Variants in SHROOM2 observed in about 807,000 individuals in gnomAD.
SHROOM2 encodes protein Shroom2.
SHROOM2 carries 33 observed loss-of-function variants against 75.9 expected under a neutral mutation model. The observed-to-expected ratio is 0.43, with a 90% CI of 0.33 to 0.58. The LOEUF (loss-of-function observed/expected upper bound fraction) is 0.58, where lower values mean the gene tolerates loss of function less well. Among genes scored for constraint, SHROOM2 ranks in the 20% least tolerant of loss-of-function variants. The pLI, the probability that SHROOM2 is intolerant of heterozygous loss-of-function variation, is 0.04. For synonymous variants in SHROOM2, 655 were observed against 663.6 expected (o/e 0.99, Z 0.20); for missense variants, 1,434 against 1,461.2 (o/e 0.98, Z 0.30).
chrX:9,814,921 C>T (rs1219082742), intron 1 of SHROOM2, among the ~76,000 whole-genome samples: 1 of 111,505 alleles, frequency 9.0e-6, no homozygotes, highest in Non-Finnish European at 1.9e-5. Flanking sequence ...GAGCATGTGT[C>T]TGTTTTTCCA....
intron 5 of SHROOM2, among the ~76,000 whole-genome samples, chrX:9,900,746 C>T (rs2084361266): frequency 9.0e-6 from 1 of 110,894 alleles, no homozygotes; most frequent in African/African-American, 3.3e-5. Context: ...ATGGGAGAAA[C>T]AGGTGGCGTT....
At chrX:9,931,223 A>G (rs1253636764) in intron 5 of SHROOM2, among the ~76,000 whole-genome samples, 2 of 110,264 alleles carry the variant, frequency 1.8e-5, no homozygotes, top group Non-Finnish European at 3.8e-5. Context: ...AGCTGAGAGC[A>G]GAGGAGGCTG....
intron 1 of SHROOM2, among the ~76,000 whole-genome samples, chrX:9,791,887 C>A (rs374336522): frequency 9.2e-6 from 1 of 108,128 alleles, no homozygotes; most frequent in Non-Finnish European, 1.9e-5. Context: ...TCCAGCTACT[C>A]GGGAGGCTCC....
intron 5 of SHROOM2, among the ~76,000 whole-genome samples, chrX:9,899,307 G>A (rs1210755442): frequency 9.0e-6 from 1 of 110,592 alleles, no homozygotes; most frequent in Admixed American, 9.7e-5. Context: ...ACACGAGGAG[G>A]GCAGGCAGAG....
chrX:9,926,705 A>G (rs1319819625), intron 5 of SHROOM2, among the ~76,000 whole-genome samples: 3 of 111,751 alleles, frequency 2.7e-5, no homozygotes, highest in Non-Finnish European at 5.6e-5. Context: ...CTTTTGCTTT[A>G]TGATGGTTCG....
At chrX:9,808,403 C>G (rs2083769102) in intron 1 of SHROOM2, among the ~76,000 whole-genome samples, 1 of 107,318 alleles carries the variant, frequency 9.3e-6, no homozygotes. Flanking sequence ...AAAAATTAGC[C>G]AGGTGTGGTG....
chrX:9,838,185 C>T (rs191732519), intron 1 of SHROOM2, among the ~76,000 whole-genome samples: 23 of 107,983 alleles, frequency 2.1e-4, no homozygotes, highest in East Asian at 1.7e-3. Context: ...CTCAGCCTCC[C>T]GAGTTGCTGG....
chrX:9,930,044 TC>T (rs1314947186), intron 5 of SHROOM2, among the ~76,000 whole-genome samples: 1 of 111,739 alleles, frequency 8.9e-6, no homozygotes. Flanking sequence ...GTCACTTTGT[TC>T]CCAGTTTCAG....
chrX:9,942,658 C>T (rs954958095), intron 8 of SHROOM2, among the ~76,000 whole-genome samples: 2 of 111,743 alleles, frequency 1.8e-5, no homozygotes, highest in Non-Finnish European at 3.8e-5. Context: ...GGAAGAGCTT[C>T]CATGCCCTCC....
chrX:9,795,194 G>C (rs936438699), intron 1 of SHROOM2, among the ~76,000 whole-genome samples: 2 of 109,080 alleles, frequency 1.8e-5, no homozygotes. Context: ...CACGGTTATA[G>C]CCACACTACA....
chrX:9,837,885 C>T (rs927657138), intron 1 of SHROOM2, among the ~76,000 whole-genome samples: 1 of 110,680 alleles, frequency 9.0e-6, no homozygotes, highest in African/African-American at 3.3e-5. Flanking sequence ...GCACTGCAGC[C>T]TCAGATGGTG....
At chrX:9,908,338 G>A (rs756033560) in intron 5 of SHROOM2, among the ~76,000 whole-genome samples, 1 of 112,175 alleles carries the variant, frequency 8.9e-6, no homozygotes, top group South Asian at 3.7e-4. Flanking sequence ...AAGACTAAGA[G>A]GTGAGGAGGA....
At chrX:9,826,388 T>A (rs1427217994) in intron 1 of SHROOM2, among the ~76,000 whole-genome samples, 3 of 112,142 alleles carry the variant, frequency 2.7e-5, no homozygotes, top group Non-Finnish European at 3.8e-5. Flanking sequence ...ATAACCTTTT[T>A]CTTTTTTTGA....
At position 9,905,821 on chromosome X, in the gene SHROOM2, A is replaced by G. The variant is rs140025891; in HGVS notation, c.2891+7531A>G. 8.5e-3 allele frequency among the ~76,000 whole-genome samples: 944 copies of G among 111,321 alleles called. 12 individuals carry two copies. Among genetic ancestry groups the G allele is most frequent in the African/African-American group, 0.029 (900 of 30,585 alleles). On this transcript the variant is annotated intron_variant, in intron 5 of 9. Transcript: ENST00000380913. The stretch of plus-strand genomic sequence containing the variant: ...GGTGGAAGTAAAGAGTAAGTTCAGG[A>G]CTCCCCTGTAAATGATGTGCTCCCC...
In SHROOM2 at chrX:9,932,469, A is replaced by G. The variant is rs752831883; in HGVS notation, c.3186A>G (p.Pro1062=). 41 of 1,205,870 alleles carry G rather than the reference A, an allele frequency of 3.4e-5. No individual in the cohort carries two copies. The highest frequency in any genetic ancestry group is 4.5e-5 in the Non-Finnish European group (40 of 892,733). The change falls in exon 6 of 10, where the codon CCA becomes CCG. Residue 1062 remains proline (P), a synonymous_variant. Transcript: ENST00000380913. ...SSALLSKRPA[P]QRPPPPKREP... is the part of the protein sequence containing the mutation. ...CCCTGCTCTCCAAGAGGCCAGCCCC[A>G]CAGAGGCCACCGCCACCCAAGCGCG...
At chrX:9,935,479 C>T (rs2084694486) in intron 6 of SHROOM2, among the ~76,000 whole-genome samples, 1 of 111,258 alleles carries the variant, frequency 9.0e-6, no homozygotes, top group South Asian at 3.8e-4. Context: ...TGTGCCTAGC[C>T]AGGGTTTTCC....
intron 1 of SHROOM2, chrX:9,818,403 G>A (rs2083834306): frequency 4.1e-6 from 1 of 245,865 alleles, no homozygotes; most frequent in African/African-American, 2.9e-5. Context: ...GTTCTACTTT[G>A]ACACGAATCT....
rs772851186 is a variant in SHROOM2 at position 9,815,432 on chromosome X, TTATGTGTGTGTG to T, written c.165+28724_165+28735del. 1.2e-4 allele frequency among the ~76,000 whole-genome samples: 6 copies of T among 48,388 alleles called. No individual in the cohort carries two copies. In the South Asian group the frequency reaches 5.1e-3, roughly 42 times the overall value. The allele number at this position is 48,388 out of a possible 115,157, so 42.0% of individuals were successfully genotyped here. On this transcript the variant is annotated intron_variant, in intron 1 of 9. Transcript: ENST00000380913. Reference sequence around the variant, plus strand: ...AGAACTAATAGGATAGATATACATATTATGTGTGTGTGTGTGTGTGTGTGTGTGTGTGTGTGT... The same window carrying T: ...AGAACTAATAGGATAGATATACATATTGTGTGTGTGTGTGTGTGTGTGTGT...
At chrX:9,884,368 C>CTTTTTTTTTTTTTTTT (rs1181815816) in intron 2 of SHROOM2, among the ~76,000 whole-genome samples, 2 of 62,303 alleles carry the variant, frequency 3.2e-5, no homozygotes, top group Admixed American at 1.9e-4. Flanking sequence ...TTTTTCTTTT[C>CTTTTTTTTTTTTTTTT]TTTTTTTTTT....
Sources: allele counts gnomAD v4.1 joint callset (sites outside exome capture counted in the v4.1 genomes callset), GRCh38; gene constraint gnomAD v4.1.1; transcripts MANE v1.5; gene names NCBI Gene and HGNC (gene_info 2026-07-23, HGNC 2026-07-21).